The following DCC variants were observed in gnomAD, a reference collection of about 807,000 sequenced individuals.
DCC encodes the protein netrin receptor DCC.
DCC carries 58 observed loss-of-function variants against 172.5 expected under a neutral mutation model. The observed-to-expected ratio is 0.34, with a 90% CI of 0.27 to 0.42. The LOEUF is 0.42. DCC is among the 10% of genes least tolerant of loss of function. The pLI, the probability that DCC is intolerant of heterozygous loss-of-function variation, is 1.00. For synonymous variants in DCC, 709 were observed against 644.5 expected, an observed-to-expected ratio of 1.10 and a Z score of -1.52; for missense variants, 1,740 against 1,791.0, an observed-to-expected ratio of 0.97 and a Z score of 0.51.
chr18:53,305,821 C>A, intron 13 of DCC, 102 bp downstream of exon 13: 2 of 1,252,452 alleles, frequency 1.6e-6, no homozygotes, highest in Non-Finnish European at 2.3e-6. Flanking sequence ...TTCTTCCTGG[C>A]ATCCAGGCAG....
intron 5 of DCC, among the ~76,000 whole-genome samples, chr18:52,957,082 C>T (rs966359583): frequency 3.3e-5 from 5 of 151,892 alleles, no homozygotes; most frequent in Non-Finnish European, 5.9e-5. Flanking sequence ...CCTGAAACTT[C>T]GATAGAAAGA....
chr18:52,809,598 G>GA (rs1462322719), intron 2 of DCC, among the ~76,000 whole-genome samples: 2 of 152,162 alleles, frequency 1.3e-5, no homozygotes, highest in African/African-American at 4.8e-5. Context: ...GGAGTGCAGC[G>GA]AACACACTGC....
chr18:52,450,777 T>C (rs575458945), intron 1 of DCC, among the ~76,000 whole-genome samples: 2 of 152,148 alleles, frequency 1.3e-5, no homozygotes, highest in Admixed American at 1.3e-4. Context: ...CCATGTAAAA[T>C]ACTTCACTAT....
chr18:52,624,465 C>T (rs930573032), intron 1 of DCC, among the ~76,000 whole-genome samples: 3 of 152,160 alleles, frequency 2.0e-5, no homozygotes, highest in Admixed American at 6.5e-5. Flanking sequence ...GTTTATTTTT[C>T]GCACTTAAAC....
chr18:53,337,737 A>G (rs1195606492), intron 14 of DCC, among the ~76,000 whole-genome samples: 1 of 152,210 alleles, frequency 6.6e-6, no homozygotes, highest in African/African-American at 2.4e-5. Context: ...AATGTTACCT[A>G]TTTTGAAAAC....
At chr18:53,193,062 T>C (rs2055390279) in intron 9 of DCC, among the ~76,000 whole-genome samples, 1 of 152,168 alleles carries the variant, frequency 6.6e-6, no homozygotes, top group Admixed American at 6.5e-5. Flanking sequence ...ATTCAAGCTG[T>C]TTTCCTCTCT....
chr18:52,636,358 G>C (rs1410611915), intron 1 of DCC, among the ~76,000 whole-genome samples: 1 of 142,180 alleles, frequency 7.0e-6, no homozygotes, highest in African/African-American at 2.7e-5. Context: ...GGGAGGGCAC[G>C]AATTGGGGAT....
chr18:53,040,848 G>C (rs1315708266), intron 5 of DCC, among the ~76,000 whole-genome samples: 3 of 151,932 alleles, frequency 2.0e-5, no homozygotes, highest in Non-Finnish European at 4.4e-5. Context: ...GAACCACTGA[G>C]ACAGGTCAGG....
At chr18:53,106,889 G>T (rs1171725084) in intron 7 of DCC, among the ~76,000 whole-genome samples, 1 of 151,860 alleles carries the variant, frequency 6.6e-6, no homozygotes, top group Non-Finnish European at 1.5e-5. Flanking sequence ...ATAAAAGATT[G>T]TTAATCTTCG....
intron 27 of DCC, among the ~76,000 whole-genome samples, chr18:53,508,878 A>T (rs73462960): frequency 6.6e-6 from 1 of 152,178 alleles, no homozygotes; most frequent in African/African-American, 2.4e-5. Context: ...TGCATTTGAC[A>T]GCCAGGAAGC....
At chr18:52,797,160 A>T (rs149546682) in intron 2 of DCC, among the ~76,000 whole-genome samples, 195 of 152,262 alleles carry the variant, frequency 1.3e-3, no homozygotes, top group Non-Finnish European at 2.4e-3. Context: ...CATCTAGAGC[A>T]TAAATTGTTT....
At chr18:53,206,169 A>C (rs2055626375) in intron 10 of DCC, among the ~76,000 whole-genome samples, 1 of 910 alleles carries the variant, frequency 1.1e-3, no homozygotes, top group African/African-American at 1.6e-3. Flanking sequence ...ATATATACAT[A>C]TACATATATA....
At chr18:53,489,383 T>C (rs1000235056) in intron 26 of DCC, among the ~76,000 whole-genome samples, 5 of 152,182 alleles carry the variant, frequency 3.3e-5, no homozygotes, top group African/African-American at 1.2e-4. Context: ...TCTAGGAAAC[T>C]AAATATTCTC....
intron 21 of DCC, 88 bp from the exon 22 acceptor site, chr18:53,435,056 G>C: frequency 1.0e-6 from 1 of 987,614 alleles, no homozygotes. Context: ...AATCTGTTCT[G>C]TTATTGTGTG....
intron 12 of DCC, among the ~76,000 whole-genome samples, chr18:53,229,639 A>AT (rs1446902844): frequency 1.8e-4 from 27 of 151,926 alleles, no homozygotes; most frequent in Admixed American, 1.6e-3. Flanking sequence ...CAAATTAAAG[A>AT]TTTTTTCACC....
At chr18:53,511,780 G>T (rs554645187) in intron 27 of DCC, among the ~76,000 whole-genome samples, 1 of 152,308 alleles carries the variant, frequency 6.6e-6, no homozygotes, top group African/African-American at 2.4e-5. Context: ...CATCATGAGA[G>T]TATATCCTGC....
At chr18:52,842,058 A>G (rs1337907970) in intron 2 of DCC, among the ~76,000 whole-genome samples, 1 of 152,142 alleles carries the variant, frequency 6.6e-6, no homozygotes, top group Admixed American at 6.6e-5. Context: ...ATGACCATAA[A>G]AAGTATTGCA....
At chr18:52,828,539 G>A (rs1389961174) in intron 2 of DCC, among the ~76,000 whole-genome samples, 1 of 152,136 alleles carries the variant, frequency 6.6e-6, no homozygotes, top group Non-Finnish European at 1.5e-5. Flanking sequence ...TAGCCAGTGT[G>A]TAATCTTTAT....
chr18:53,061,034 C>G (rs1238739296), intron 5 of DCC, among the ~76,000 whole-genome samples: 1 of 152,002 alleles, frequency 6.6e-6, no homozygotes, highest in Non-Finnish European at 1.5e-5. Context: ...ATGTTTGCTA[C>G]CAGTGATGTA....
Sources: allele counts gnomAD v4.1 joint callset (sites outside exome capture counted in the v4.1 genomes callset), GRCh38; gene constraint gnomAD v4.1.1; transcripts MANE v1.5; gene names NCBI Gene and HGNC (gene_info 2026-07-23, HGNC 2026-07-21).